BTD: variants seen among roughly 807,000 people sequenced by gnomAD.
The protein encoded by BTD is biocytinase.
A neutral mutation model predicts 17.7 loss-of-function variants in BTD; 13 were observed. That is an observed-to-expected ratio of 0.74 (90% CI 0.48 to 1.17). The LOEUF (loss-of-function observed/expected upper bound fraction) is 1.17. Among genes scored for constraint, BTD ranks in the 50% most tolerant of loss-of-function variants. The pLI is 0.00. For missense variants in BTD, 674 were observed against 650.4 expected (o/e 1.04, Z -0.39); for synonymous variants, 240 against 245.2 (o/e 0.98, Z 0.20).
chr3:15,677,328 G>T (rs2067047498), intron 3 of BTD, among the ~76,000 whole-genome samples: 1 of 152,124 alleles, frequency 6.6e-6, no homozygotes, highest in African/African-American at 2.4e-5. Flanking sequence ...ATACGCCATG[G>T]TGCCTTATAA....
chr3:15,709,549 G>A (rs576856978), intron 3 of BTD: 1 of 594,668 alleles, frequency 1.7e-6, no homozygotes, highest in East Asian at 3.2e-5. Context: ...GACTCTCAAT[G>A]AATCATGATC....
intron 1 of BTD, chr3:15,631,351 A>G (rs889669760): frequency 5.2e-5 from 52 of 999,040 alleles, no homozygotes; most frequent in Non-Finnish European, 7.0e-5. Flanking sequence ...TATCTTTTAA[A>G]GATTTTTTAA....
At chr3:15,698,505 C>G (rs1308487657) in intron 3 of BTD, among the ~76,000 whole-genome samples, 1 of 152,174 alleles carries the variant, frequency 6.6e-6, no homozygotes, top group African/African-American at 2.4e-5. Flanking sequence ...CGTCTCAGCT[C>G]AAAATCTCCT....
At chr3:15,708,939 A>G (rs966731671) in intron 3 of BTD, among the ~76,000 whole-genome samples, 3 of 152,214 alleles carry the variant, frequency 2.0e-5, no homozygotes, top group African/African-American at 7.2e-5. Context: ...AACTGTTGAC[A>G]CACACAGTTT....
At chr3:15,642,095 A>G in intron 3 of BTD, 38 bp downstream of exon 3, 2 of 1,612,560 alleles carry the variant, frequency 1.2e-6, no homozygotes, top group Non-Finnish European at 1.7e-6. Flanking sequence ...CTGAGGGTAC[A>G]CAGAGGTGAT....
chr3:15,611,630 C>T (rs757530037), intron 1 of BTD, among the ~76,000 whole-genome samples: 2 of 150,852 alleles, frequency 1.3e-5, no homozygotes, highest in East Asian at 1.9e-4. Context: ...TTCTTTTATC[C>T]GAAGTTTTGG....
chr3:15,678,908 TGGGTTTTCTG>T, intron 3 of BTD, among the ~76,000 whole-genome samples: 1 of 152,222 alleles, frequency 6.6e-6, no homozygotes, highest in East Asian at 1.9e-4. Context: ...CTTTTAATAA[TGGGTTTTCTG>T]TAAATTCTCT....
intron 1 of BTD, among the ~76,000 whole-genome samples, chr3:15,615,461 A>G (rs1487286365): frequency 6.6e-6 from 1 of 152,214 alleles, no homozygotes; most frequent in African/African-American, 2.4e-5. Flanking sequence ...ATCTCACTCC[A>G]ACCTCCACAT....
chr3:15,644,290 T>C (rs2065626470), intron 3 of BTD, 26 bp from the exon 4 acceptor site: 2 of 1,604,712 alleles, frequency 1.2e-6, no homozygotes, highest in Non-Finnish European at 1.7e-6. Context: ...AAAAACCTCA[T>C]TTATTTACAC....
chr3:15,686,421 T>A, intron 3 of BTD: 1 of 823,974 alleles, frequency 1.2e-6, no homozygotes, highest in Non-Finnish European at 1.9e-6. Flanking sequence ...GCACTGAATT[T>A]AATATGCAAG....
At chr3:15,640,304 C>T (rs1014861966) in intron 2 of BTD, among the ~76,000 whole-genome samples, 1 of 151,960 alleles carries the variant, frequency 6.6e-6, no homozygotes, top group Non-Finnish European at 1.5e-5. Flanking sequence ...GTTGGGAACA[C>T]TTCAAATTCC....
chr3:15,630,384 G>T (rs2065176860), intron 1 of BTD, among the ~76,000 whole-genome samples: 1 of 152,186 alleles, frequency 6.6e-6, no homozygotes, highest in African/African-American at 2.4e-5. Context: ...GGTTCCTTCT[G>T]TCTATAGAAA....
chr3:15,712,595 C>T (rs2072461767), exon 4 of BTD, among the ~76,000 whole-genome samples: 1 of 152,188 alleles, frequency 6.6e-6, no homozygotes, highest in African/African-American at 2.4e-5. Context: ...TGGACATTTG[C>T]TTAGGGAGCA....
chr3:15,712,027 A>C, exon 4 of BTD: 1 of 805,330 alleles, frequency 1.2e-6, no homozygotes, highest in East Asian at 2.7e-5. Context: ...GGGGTTATTA[A>C]ATTATCCATA....
intron 3 of BTD, chr3:15,675,843 TG>T: frequency 7.3e-7 from 1 of 1,372,410 alleles, no homozygotes; most frequent in East Asian, 2.4e-5. Context: ...TCTTCAAATA[TG>T]GATCAAAAGA....
intron 1 of BTD, among the ~76,000 whole-genome samples, chr3:15,631,127 G>T (rs1243576722): frequency 6.6e-6 from 1 of 152,122 alleles, no homozygotes; most frequent in Admixed American, 6.5e-5. Context: ...AAGACTGTTG[G>T]AACTTCCCAA....
chr3:15,644,931 A>G lies in BTD; in HGVS notation c.1015A>G (p.Ser339Gly). 1.9e-6 allele frequency: 3 copies of G among 1,614,170 alleles called. No individual in the cohort carries two copies. The highest frequency in any genetic ancestry group is 8.5e-7 in the Non-Finnish European group (1 of 1,180,032). ...NATGETDPSH[S>G]KFLKILSGDP... The stretch of plus-strand genomic sequence containing the variant: ...AACAGGTGAAACGGACCCATCCCAT[A>G]GTAAGTTTTTAAAAATTTTGTCAGG... Residue 339 changes from serine to glycine, a missense_variant, in exon 4 of 4, where the codon AGT becomes GGT. Coordinates refer to ENST00000643237, the MANE Select transcript of BTD (RefSeq NM_001370658.1).
intron 1 of BTD, among the ~76,000 whole-genome samples, chr3:15,619,195 A>G (rs2064876564): frequency 6.6e-6 from 1 of 152,226 alleles, no homozygotes; most frequent in African/African-American, 2.4e-5. Flanking sequence ...TTTTAAATCA[A>G]GTTGAGCAAG....
intron 1 of BTD, among the ~76,000 whole-genome samples, chr3:15,603,889 T>A (rs574395797): frequency 1.3e-5 from 2 of 152,318 alleles, no homozygotes; most frequent in South Asian, 4.1e-4. Context: ...CACAGCCAGA[T>A]CATGCTGATG....
Sources: allele counts gnomAD v4.1 joint callset (sites outside exome capture counted in the v4.1 genomes callset), GRCh38; gene constraint gnomAD v4.1.1; transcripts MANE v1.5; gene names NCBI Gene and HGNC (gene_info 2026-07-23, HGNC 2026-07-21).